CNTN5: variants seen among roughly 807,000 people sequenced by gnomAD.
The protein encoded by CNTN5 is contactin-5.
In CNTN5, 77 loss-of-function variants were observed where a neutral mutation model predicts 129.1. That is an observed-to-expected ratio of 0.60 (90% CI 0.50 to 0.72). The LOEUF is 0.72. CNTN5 is among the 30% of genes least tolerant of loss of function. CNTN5 has a pLI of 0.00. For synonymous variants in CNTN5, 509 were observed against 465.6 expected, an observed-to-expected ratio of 1.09 and a Z score of -1.20; for missense variants, 1,478 against 1,328.8, an observed-to-expected ratio of 1.11 and a Z score of -1.75.
chr11:99,999,257 T>C (rs1405694953), intron 8 of CNTN5, among the ~76,000 whole-genome samples: 2 of 152,122 alleles, frequency 1.3e-5, no homozygotes, highest in Admixed American at 6.5e-5. Context: ...AACCTACTCA[T>C]CTGACAAAGG....
rs1291347311 is a variant in CNTN5, at chr11:100,289,528, C to A, written c.2315-8097C>A. Among the ~76,000 whole-genome samples, 56 of 152,090 alleles carry A rather than the reference C, an allele frequency of 3.7e-4. No individual in the cohort carries two copies. The South Asian group carries it at 4.6e-3, about 12-fold the overall frequency. ...AAAAACCACATGATTATCTCAATAG[C>A]AGCAGAAAAAGCCTTTGACAAAATT... is the stretch of plus-strand genomic sequence containing the variant. On this transcript the variant is annotated intron_variant, in intron 18 of 24. Coordinates refer to ENST00000524871, the MANE Select transcript of CNTN5 (RefSeq NM_014361.4).
At position 99,515,114 on chromosome 11, in the gene CNTN5, ACTT is replaced by A. The variant is rs1365020289; in HGVS notation, c.-70-41030_-70-41028del. On this transcript the variant is annotated intron_variant, in intron 2 of 24. Coordinates refer to ENST00000524871, the MANE Select transcript of CNTN5 (RefSeq NM_014361.4). The stretch of plus-strand genomic sequence containing the variant: ...ACAAAAAGGATATTTAAAAAGCTCT[ACTT>A]AATTTAAAAGCTCTGTTGGTTCAGT... Among the ~76,000 whole-genome samples the A allele has an allele frequency of 3.3e-5, 5 of 152,148 alleles. No individual in the cohort carries two copies. The East Asian group carries it at 9.7e-4, about 29-fold the overall frequency.
chr11:99,168,366 T>C (rs1427547416), intron 1 of CNTN5, among the ~76,000 whole-genome samples: 1 of 151,862 alleles, frequency 6.6e-6, no homozygotes, highest in African/African-American at 2.4e-5. Flanking sequence ...GGTCACAAGG[T>C]CAGGAGTTCG....
chr11:99,896,661 G>A (rs1345492892), intron 6 of CNTN5, among the ~76,000 whole-genome samples: 1 of 152,128 alleles, frequency 6.6e-6, no homozygotes, highest in Non-Finnish European at 1.5e-5. Flanking sequence ...TGCTTCCATT[G>A]ATTCTGCCCC....
At chr11:99,647,624 A>G (rs753299859) in intron 3 of CNTN5, among the ~76,000 whole-genome samples, 6 of 151,984 alleles carry the variant, frequency 3.9e-5, no homozygotes, top group South Asian at 2.1e-4. Context: ...ATTGCTTTGC[A>G]TAGTATGAAC....
chr11:99,635,421 G>A (rs571365381), intron 3 of CNTN5, among the ~76,000 whole-genome samples: 1 of 152,182 alleles, frequency 6.6e-6, no homozygotes, highest in Admixed American at 6.5e-5. Context: ...TTTTTAAACA[G>A]CCTGGACAGC....
At chr11:100,020,472 C>T (rs947449038) in intron 9 of CNTN5, among the ~76,000 whole-genome samples, 1 of 151,990 alleles carries the variant, frequency 6.6e-6, no homozygotes, top group African/African-American at 2.4e-5. Context: ...ATTCTCAATT[C>T]TCTTCCATAT....
intron 6 of CNTN5, among the ~76,000 whole-genome samples, chr11:99,876,261 TA>T (rs1408552016): frequency 5.3e-5 from 8 of 152,254 alleles, no homozygotes; most frequent in African/African-American, 1.9e-4. Flanking sequence ...CTTCAAATGT[TA>T]GGCCCTTTTT....
At chr11:99,114,667 T>A (rs985734572) in intron 1 of CNTN5, among the ~76,000 whole-genome samples, 4 of 152,180 alleles carry the variant, frequency 2.6e-5, no homozygotes, top group South Asian at 2.1e-4. Context: ...TAGGCTTGCA[T>A]ATAGTAGTAA....
At chr11:99,520,659 G>A (rs1947243068) in intron 2 of CNTN5, among the ~76,000 whole-genome samples, 1 of 151,998 alleles carries the variant, frequency 6.6e-6, no homozygotes, top group African/African-American at 2.4e-5. Flanking sequence ...ATTGTCATGG[G>A]GTAAAGGACA....
intron 3 of CNTN5, among the ~76,000 whole-genome samples, chr11:99,801,891 C>T (rs915339786): frequency 2.6e-5 from 4 of 152,076 alleles, no homozygotes; most frequent in African/African-American, 9.7e-5. Context: ...TCTTGCAATC[C>T]ATGCTTTGAA....
At chr11:99,415,693 T>C (rs1206029474) in intron 2 of CNTN5, among the ~76,000 whole-genome samples, 1 of 152,160 alleles carries the variant, frequency 6.6e-6, no homozygotes, top group Non-Finnish European at 1.5e-5. Context: ...ACTTTGCTTC[T>C]GAGGCCTTCA....
intron 2 of CNTN5, among the ~76,000 whole-genome samples, chr11:99,443,188 T>C (rs915493510): frequency 2.6e-5 from 4 of 152,160 alleles, no homozygotes; most frequent in Non-Finnish European, 4.4e-5. Context: ...AATAAAAGAC[T>C]GTCTGGATCT....
intron 2 of CNTN5, among the ~76,000 whole-genome samples, chr11:99,367,215 T>A (rs900299992): frequency 4.6e-5 from 7 of 152,162 alleles, no homozygotes; most frequent in Non-Finnish European, 5.9e-5. Context: ...TCACTCAACA[T>A]AGGGGCTGCT....
chr11:99,615,021 T>G (rs1212143391), intron 3 of CNTN5, among the ~76,000 whole-genome samples: 1 of 149,088 alleles, frequency 6.7e-6, no homozygotes, highest in Non-Finnish European at 1.5e-5. Flanking sequence ...ATATCTATTT[T>G]ATTATATATA....
chr11:100,004,590 A>G (rs187636496), intron 9 of CNTN5, among the ~76,000 whole-genome samples: 55 of 152,342 alleles, frequency 3.6e-4, no homozygotes, highest in African/African-American at 1.3e-3. Context: ...TCAGGATCCA[A>G]CTCAGACATT....
intron 1 of CNTN5, among the ~76,000 whole-genome samples, chr11:99,320,292 G>A (rs2135994538): frequency 6.6e-6 from 1 of 152,258 alleles, no homozygotes; most frequent in African/African-American, 2.4e-5. Context: ...ATACAGCTAG[G>A]AAGATGATGA....
chr11:100,094,102 T>C (rs1192340083), intron 13 of CNTN5, among the ~76,000 whole-genome samples: 1 of 152,052 alleles, frequency 6.6e-6, no homozygotes, highest in African/African-American at 2.4e-5. Flanking sequence ...AAGGAATCTC[T>C]TGGGTTAAAA....
intron 1 of CNTN5, among the ~76,000 whole-genome samples, chr11:99,194,015 A>C (rs1469609677): frequency 6.6e-6 from 1 of 152,194 alleles, no homozygotes; most frequent in Non-Finnish European, 1.5e-5. Flanking sequence ...ACGTAATAAA[A>C]AGAAAATCTG....
Sources: gnomAD v4.1 joint callset for allele counts (sites outside exome capture counted in the v4.1 genomes callset) on GRCh38, gnomAD v4.1.1 for gene constraint, MANE v1.5 for transcripts, NCBI Gene and HGNC (gene_info 2026-07-23, HGNC 2026-07-21) for gene names.